LSAMP: variants seen among roughly 807,000 people sequenced by gnomAD.
LSAMP encodes limbic system associated membrane protein, also known as limbic system-associated membrane protein.
Under a neutral mutation model 38.6 loss-of-function variants are expected in LSAMP, and 7 were observed. The observed-to-expected ratio is 0.18, with a 90% CI of 0.10 to 0.34. LSAMP has a LOEUF of 0.34. Ranked by LOEUF, LSAMP falls within the 10% of genes least tolerant of loss-of-function variation. The probability of loss-of-function intolerance (pLI) is 1.00; values close to 1 mark genes in which losing one functional copy is unlikely to be tolerated. For synonymous variants in LSAMP, 154 were observed against 166.8 expected, an observed-to-expected ratio of 0.92 and a Z score of 0.59; for missense variants, 313 against 420.0, an observed-to-expected ratio of 0.75 and a Z score of 2.23.
At chr3:116,280,903 A>AAAAG (rs760530202) in intron 1 of LSAMP, among the ~76,000 whole-genome samples, 3 of 152,220 alleles carry the variant, frequency 2.0e-5, no homozygotes, top group Non-Finnish European at 4.4e-5. Context: ...TCTAATGAGT[A>AAAAG]AAAGAAATGA....
intron 3 of LSAMP, among the ~76,000 whole-genome samples, chr3:115,966,048 A>G (rs1938800354): frequency 6.6e-6 from 1 of 152,150 alleles, no homozygotes; most frequent in Admixed American, 6.5e-5. Flanking sequence ...AGAAAACTAC[A>G]TTTCCCAGTT....
intron 1 of LSAMP, among the ~76,000 whole-genome samples, chr3:116,324,782 C>G (rs1377368497): frequency 6.6e-6 from 1 of 152,136 alleles, no homozygotes; most frequent in Non-Finnish European, 1.5e-5. Flanking sequence ...ACCAGTGTAT[C>G]TTGTCATTGT....
At chr3:115,970,076 A>G (rs1938964787) in intron 3 of LSAMP, among the ~76,000 whole-genome samples, 1 of 152,206 alleles carries the variant, frequency 6.6e-6, no homozygotes, top group African/African-American at 2.4e-5. Flanking sequence ...ATTCTGAAAA[A>G]TTGAGGGCGA....
At chr3:116,431,482 T>G (rs2049281053) in intron 1 of LSAMP, among the ~76,000 whole-genome samples, 2 of 152,078 alleles carry the variant, frequency 1.3e-5, no homozygotes, top group African/African-American at 4.8e-5. Flanking sequence ...TTTAATATGA[T>G]TTTCCCCTTG....
intron 1 of LSAMP, among the ~76,000 whole-genome samples, chr3:116,335,424 A>G (rs565355906): frequency 6.6e-6 from 1 of 152,096 alleles, no homozygotes; most frequent in Non-Finnish European, 1.5e-5. Context: ...TTTAAAAACA[A>G]AAACAAAACT....
At chr3:115,950,123 C>T (rs1466681745) in intron 3 of LSAMP, among the ~76,000 whole-genome samples, 3 of 151,742 alleles carry the variant, frequency 2.0e-5, no homozygotes, top group Admixed American at 6.6e-5. Context: ...CCACAGCCAA[C>T]ATTATACTGA....
At chr3:115,953,122 G>C (rs1234297421) in intron 3 of LSAMP, among the ~76,000 whole-genome samples, 1 of 152,098 alleles carries the variant, frequency 6.6e-6, no homozygotes, top group African/African-American at 2.4e-5. Flanking sequence ...ATCAAGAAGA[G>C]ATGGCCATGG....
chr3:115,883,763 C>T (rs1038950683), intron 3 of LSAMP, among the ~76,000 whole-genome samples: 20 of 151,570 alleles, frequency 1.3e-4, no homozygotes, highest in Middle Eastern at 3.2e-3. Context: ...GGTATTATAC[C>T]ATAGGAAAAA....
rs1935032427 is a variant in LSAMP, at chr3:115,842,589, G to T, written c.650-11C>A. The T allele has an allele frequency of 1.2e-6, 2 of 1,612,632 alleles. No homozygotes were observed. Among genetic ancestry groups the T allele is most frequent in the South Asian group, 2.2e-5 (2 of 90,976 alleles). On this transcript the variant is annotated splice_polypyrimidine_tract_variant and intron_variant, in intron 4 of 6. Transcript: ENST00000490035. Reference sequence around the variant, plus strand: ...TGATAGTGGGAGGATCTGTAGGAAGGACAGGCACACAAGTTTACATGAGGG... The same window carrying T: ...TGATAGTGGGAGGATCTGTAGGAAGTACAGGCACACAAGTTTACATGAGGG...
At chr3:116,192,376 T>G (rs992283373) in intron 1 of LSAMP, among the ~76,000 whole-genome samples, 3 of 152,208 alleles carry the variant, frequency 2.0e-5, no homozygotes, top group African/African-American at 7.2e-5. Context: ...TCCATCTACT[T>G]CTTATTCTTT....
At chr3:115,855,078 G>T (rs943968685) in intron 3 of LSAMP, among the ~76,000 whole-genome samples, 3 of 152,208 alleles carry the variant, frequency 2.0e-5, no homozygotes, top group African/African-American at 7.2e-5. Flanking sequence ...CTTAGAGATG[G>T]TTGGCAACAC....
At chr3:116,186,561 T>A (rs1289696896) in intron 1 of LSAMP, among the ~76,000 whole-genome samples, 4 of 152,262 alleles carry the variant, frequency 2.6e-5, no homozygotes, top group East Asian at 1.9e-4. Flanking sequence ...TTGAATAGAA[T>A]TAATTACATC....
At chr3:116,434,585 T>TTCTA (rs2049322568) in intron 1 of LSAMP, among the ~76,000 whole-genome samples, 1 of 152,104 alleles carries the variant, frequency 6.6e-6, no homozygotes, top group African/African-American at 2.4e-5. Flanking sequence ...GAAGGAGTCT[T>TTCTA]GCTCTGTTGC....
chr3:115,969,927 G>T (rs1177535924), intron 3 of LSAMP, among the ~76,000 whole-genome samples: 1 of 152,130 alleles, frequency 6.6e-6, no homozygotes, highest in African/African-American at 2.4e-5. Context: ...ACAATAATGT[G>T]TACCATGAAT....
chr3:116,007,392 C>A (rs1940193040), intron 3 of LSAMP, among the ~76,000 whole-genome samples: 3 of 151,978 alleles, frequency 2.0e-5, no homozygotes, highest in African/African-American at 7.2e-5. Context: ...ATTTGAATTA[C>A]CTATTGAGGT....
In LSAMP at chr3:115,855,403, C is replaced by A. The variant is rs1355208342; in HGVS notation, c.515-2786G>T. 3.9e-5 allele frequency among the ~76,000 whole-genome samples: 6 copies of A among 152,136 alleles called. No individual in the cohort carries two copies. In the East Asian group the frequency reaches 1.2e-3, roughly 29 times the overall value. On this transcript the variant is annotated intron_variant, in intron 3 of 6. Coordinates refer to ENST00000490035, the MANE Select transcript of LSAMP (RefSeq NM_002338.5). ...ATAAAACATATCCTTATCAGATAAA[C>A]TTTCAATCTCATGTCTCTAGAATTT...
intron 1 of LSAMP, among the ~76,000 whole-genome samples, chr3:116,261,490 C>T (rs534711021): frequency 6.6e-6 from 1 of 152,320 alleles, no homozygotes; most frequent in African/African-American, 2.4e-5. Context: ...TCATCTGATG[C>T]TCTCTTCTTC....
At chr3:115,996,789 C>T (rs1939827852) in intron 3 of LSAMP, among the ~76,000 whole-genome samples, 1 of 152,122 alleles carries the variant, frequency 6.6e-6, no homozygotes. Flanking sequence ...TCCTCTCAGG[C>T]TCCCTTCAAG....
intron 1 of LSAMP, among the ~76,000 whole-genome samples, chr3:116,396,063 G>A (rs1010212252): frequency 6.6e-6 from 1 of 151,966 alleles, no homozygotes; most frequent in Non-Finnish European, 1.5e-5. Context: ...TTATTAATTA[G>A]GCTCCCAGGC....
Sources: gnomAD v4.1 joint callset for allele counts (sites outside exome capture counted in the v4.1 genomes callset) on GRCh38, gnomAD v4.1.1 for gene constraint, MANE v1.5 for transcripts, NCBI Gene and HGNC (gene_info 2026-07-23, HGNC 2026-07-21) for gene names.